The following COBL variants were observed in gnomAD, a reference collection of about 807,000 sequenced individuals.
The protein encoded by COBL is protein cordon-bleu.
A neutral mutation model predicts 98.8 loss-of-function variants in COBL; 51 were observed. The ratio of observed to expected loss-of-function variants is 0.52; its 90% CI spans 0.41 to 0.65. The LOEUF (loss-of-function observed/expected upper bound fraction) is 0.65. Ranked by LOEUF, COBL falls within the 30% of genes least tolerant of loss-of-function variation. The pLI is 0.00. For missense variants in COBL, 1,617 were observed against 1,617.5 expected, an observed-to-expected ratio of 1.00 and a Z score of 0.01; for synonymous variants, 634 against 651.7, an observed-to-expected ratio of 0.97 and a Z score of 0.41.
intron 5 of COBL, among the ~76,000 whole-genome samples, chr7:51,139,940 C>G (rs775091386): frequency 6.6e-6 from 1 of 152,268 alleles, no homozygotes; most frequent in South Asian, 2.1e-4. Flanking sequence ...GAGGGACAGG[C>G]CACTGCTTGC....
At chr7:51,195,407 G>A (rs1045399450) in intron 2 of COBL, among the ~76,000 whole-genome samples, 1 of 152,132 alleles carries the variant, frequency 6.6e-6, no homozygotes, top group Non-Finnish European at 1.5e-5. Flanking sequence ...CATGCTGTTT[G>A]GTTACTGTAG....
chr7:51,304,365 G>A (rs1802264792), intron 1 of COBL, among the ~76,000 whole-genome samples: 1 of 152,190 alleles, frequency 6.6e-6, no homozygotes, highest in African/African-American at 2.4e-5. Context: ...TCCAGCCCAT[G>A]ACTTCCTCAT....
chr7:51,273,327 CAAAAAAAAAAA>C (rs953811880), intron 1 of COBL, among the ~76,000 whole-genome samples: 3 of 59,482 alleles, frequency 5.0e-5, no homozygotes, highest in Non-Finnish European at 7.9e-5. Flanking sequence ...GACTCCATCT[CAAAAAAAAAAA>C]AAAAAAAAGA....
At chr7:51,224,657 G>A (rs537330042) in intron 1 of COBL, among the ~76,000 whole-genome samples, 4 of 151,362 alleles carry the variant, frequency 2.6e-5, no homozygotes, top group African/African-American at 4.9e-5. Flanking sequence ...AGCACACCAC[G>A]GTGTCTGGGT....
intron 12 of COBL, among the ~76,000 whole-genome samples, chr7:51,023,514 C>T (rs1039783283): frequency 1.3e-5 from 2 of 152,216 alleles, no homozygotes; most frequent in African/African-American, 2.4e-5. Flanking sequence ...GGGGAGCTGA[C>T]CCAAGAGCCA....
chr7:51,155,702 A>G (rs184589575), intron 5 of COBL, among the ~76,000 whole-genome samples: 1 of 151,892 alleles, frequency 6.6e-6, no homozygotes, highest in Non-Finnish European at 1.5e-5. Context: ...AACACTCAGA[A>G]GCTCTACACC....
intron 8 of COBL, chr7:51,034,939 C>T (rs1213987048): frequency 6.6e-6 from 1 of 152,178 alleles, no homozygotes; most frequent in Non-Finnish European, 1.5e-5. Context: ...CAGTTATTTT[C>T]TCACACGGAG....
At chr7:51,138,092 C>T (rs906302619) in intron 5 of COBL, among the ~76,000 whole-genome samples, 2 of 152,162 alleles carry the variant, frequency 1.3e-5, no homozygotes, top group Non-Finnish European at 2.9e-5. Flanking sequence ...CTGCTTTTTA[C>T]GCCATTAGTG....
At chr7:51,260,036 TC>T (rs1650530443) in intron 1 of COBL, 1 of 857,450 alleles carries the variant, frequency 1.2e-6, no homozygotes, top group African/African-American at 1.7e-5. Flanking sequence ...TGAGCCCTTT[TC>T]CTTTCCTCTG....
intron 1 of COBL, among the ~76,000 whole-genome samples, chr7:51,255,513 G>C (rs180926634): frequency 6.6e-6 from 1 of 152,280 alleles, no homozygotes; most frequent in East Asian, 1.9e-4. Context: ...CATGAGGGAG[G>C]GTCTGCATAT....
intron 1 of COBL, among the ~76,000 whole-genome samples, chr7:51,257,303 T>A (rs1006426718): frequency 2.6e-5 from 4 of 152,210 alleles, no homozygotes; most frequent in Admixed American, 2.6e-4. Flanking sequence ...AAAACCTACA[T>A]CACACCAAGA....
At chr7:51,070,955 C>T (rs6965889) in intron 7 of COBL, 44,377 of 152,132 alleles carry the variant, frequency 0.29, 6,876 homozygotes, top group Non-Finnish European at 0.36. Flanking sequence ...TTTTATAAAT[C>T]ACAGCATGCT....
chr7:51,105,262 G>A (rs1183751015), intron 6 of COBL, among the ~76,000 whole-genome samples: 1 of 152,200 alleles, frequency 6.6e-6, no homozygotes, highest in Non-Finnish European at 1.5e-5. Context: ...GTTTGGACGG[G>A]TGAATGCGTG....
Position 51,316,769 on chromosome 7 carries a change from G to A in COBL, c.-136C>T. Reference sequence around the variant, plus strand: ...CTCCCACGCGGGCCGGCGGAGGACAGCGGCGGAGCGCGGCGGACGGAAGGG... The same window carrying A: ...CTCCCACGCGGGCCGGCGGAGGACAACGGCGGAGCGCGGCGGACGGAAGGG... On this transcript the variant is annotated 5_prime_UTR_variant, in exon 1 of 13. Coordinates refer to ENST00000265136, the MANE Select transcript of COBL (RefSeq NM_015198.5). 8.2e-6 allele frequency: 5 copies of A among 606,170 alleles called. No homozygotes were observed. Among genetic ancestry groups the A allele is most frequent in the Non-Finnish European group, 1.2e-5 (5 of 429,404 alleles). The allele number at this position is 606,170 out of a possible 1,614,324, so 37.5% of individuals were successfully genotyped here.
intron 7 of COBL, among the ~76,000 whole-genome samples, chr7:51,051,635 G>A (rs965758021): frequency 1.1e-4 from 16 of 152,174 alleles, no homozygotes; most frequent in Non-Finnish European, 2.2e-4. Flanking sequence ...GCGATGGTAC[G>A]GAGTGAATTT....
intron 1 of COBL, among the ~76,000 whole-genome samples, chr7:51,253,825 T>C (rs1796959060): frequency 6.6e-6 from 1 of 152,244 alleles, no homozygotes; most frequent in Non-Finnish European, 1.5e-5. Flanking sequence ...TTCAAAATTA[T>C]CAGAATTAAG....
chr7:51,169,047 A>G (rs1469551364), intron 5 of COBL, among the ~76,000 whole-genome samples: 1 of 152,172 alleles, frequency 6.6e-6, no homozygotes, highest in African/African-American at 2.4e-5. Context: ...TACACCCTCC[A>G]GCATTAACAT....
chr7:51,176,037 GAGACCCTAGGGAATACGCT>G (rs1788343449), intron 5 of COBL, among the ~76,000 whole-genome samples: 1 of 152,192 alleles, frequency 6.6e-6, no homozygotes, highest in Non-Finnish European at 1.5e-5. Context: ...CTGAGAAGCT[GAGACCCTAGGGAATACGCT>G]AGACAGGACA....
chr7:51,203,320 G>A lies in COBL; in HGVS notation c.246-9731C>T, dbSNP rs2129067567. Among the ~76,000 whole-genome samples the A allele has an allele frequency of 1.6e-5, 2 of 126,894 alleles. 1 individual carries two copies. The highest frequency in any genetic ancestry group is 7.0e-5 in the African/African-American group (2 of 28,540). 83.2% of individuals were successfully genotyped at this position (126,894 alleles called of 152,430 possible). A position where few individuals can be genotyped will look rare whatever the true frequency, so the allele number is the denominator to read the frequency against. On this transcript the variant is annotated intron_variant, in intron 2 of 12. Transcript: ENST00000265136. ...TACTAAAAATACAAAAAATTAGCCGGGTGTAGTGGCGGGCGCCTGTAGTCC... is the reference window on the plus strand; with the variant it reads ...TACTAAAAATACAAAAAATTAGCCGAGTGTAGTGGCGGGCGCCTGTAGTCC...
Sources: gnomAD v4.1 joint callset for allele counts (sites outside exome capture counted in the v4.1 genomes callset) on GRCh38, gnomAD v4.1.1 for gene constraint, MANE v1.5 for transcripts, NCBI Gene and HGNC (gene_info 2026-07-23, HGNC 2026-07-21) for gene names.